The following TENM2 variants were observed in gnomAD, a reference collection of about 807,000 sequenced individuals.
TENM2 encodes teneurin transmembrane protein 2.
Under a neutral mutation model 245.2 loss-of-function variants are expected in TENM2, and 52 were observed. That is an observed-to-expected ratio of 0.21 (90% confidence interval 0.17 to 0.27). TENM2 has a LOEUF of 0.27. Ranked by LOEUF, TENM2 falls within the 10% of genes least tolerant of loss-of-function variation. TENM2 has a pLI of 1.00. For synonymous variants in TENM2, 1,363 were observed against 1,438.9 expected (o/e 0.95, Z 1.19); for missense variants, 3,046 against 3,666.8 (o/e 0.83, Z 4.37).
intron 2 of TENM2, among the ~76,000 whole-genome samples, chr5:167,408,073 C>T (rs59730067): frequency 0.44 from 66,984 of 151,962 alleles, 15,290 homozygotes; most frequent in Admixed American, 0.49. Flanking sequence ...CCTTATTCCA[C>T]TGTGGCCCAT....
At chr5:168,146,628 C>T (rs1197254998) in intron 12 of TENM2, among the ~76,000 whole-genome samples, 1 of 152,180 alleles carries the variant, frequency 6.6e-6, no homozygotes, top group Non-Finnish European at 1.5e-5. Context: ...TTATTGAGTA[C>T]TAATGACAGA....
intron 2 of TENM2, among the ~76,000 whole-genome samples, chr5:167,567,262 A>G (rs1019947021): frequency 2.6e-5 from 4 of 152,166 alleles, no homozygotes; most frequent in African/African-American, 4.8e-5. Context: ...TGGAAAAAAT[A>G]TATAGGCAAT....
intron 2 of TENM2, among the ~76,000 whole-genome samples, chr5:167,457,832 A>G (rs1290787367): frequency 6.6e-6 from 1 of 152,226 alleles, no homozygotes; most frequent in African/African-American, 2.4e-5. Context: ...CAGAGACTTT[A>G]ATCTGAGTTA....
At chr5:167,834,934 G>T (rs1004794806) in intron 2 of TENM2, among the ~76,000 whole-genome samples, 2 of 152,198 alleles carry the variant, frequency 1.3e-5, no homozygotes, top group Non-Finnish European at 2.9e-5. Context: ...ACAGGCATGA[G>T]CCACTGCGCC....
intron 2 of TENM2, among the ~76,000 whole-genome samples, chr5:167,842,152 T>G (rs12515610): frequency 0.19 from 28,507 of 151,992 alleles, 3,095 homozygotes; most frequent in East Asian, 0.38. Flanking sequence ...CTGGCGTCAT[T>G]GCCATCTGTA....
intron 2 of TENM2, among the ~76,000 whole-genome samples, chr5:167,646,699 A>T (rs1034722124): frequency 6.6e-6 from 1 of 152,134 alleles, no homozygotes; most frequent in Non-Finnish European, 1.5e-5. Flanking sequence ...GGAGAATTCC[A>T]TATGTCCCCC....
intron 1 of TENM2, among the ~76,000 whole-genome samples, chr5:167,316,522 C>T (rs1025205433): frequency 6.6e-6 from 1 of 152,140 alleles, no homozygotes; most frequent in Non-Finnish European, 1.5e-5. Flanking sequence ...TCTAGAAGCT[C>T]ACTGTATATT....
At chr5:167,295,697 A>C (rs1754909044) in intron 1 of TENM2, among the ~76,000 whole-genome samples, 1 of 152,288 alleles carries the variant, frequency 6.6e-6, no homozygotes, top group African/African-American at 2.4e-5. Context: ...GGACATATGA[A>C]GAGGAAGGGG....
the TENM2 span, among the ~76,000 whole-genome samples, chr5:167,029,797 T>A: frequency 3.9e-5 from 6 of 152,106 alleles, no homozygotes; most frequent in African/African-American, 1.4e-4. Flanking sequence ...TGTTACTTTA[T>A]TATTTTCACA....
intron 1 of TENM2, among the ~76,000 whole-genome samples, chr5:167,357,368 C>T (rs1330419387): frequency 5.3e-5 from 8 of 151,394 alleles, no homozygotes; most frequent in Non-Finnish European, 1.0e-4. Flanking sequence ...CTGCAACCTC[C>T]GCCTCCCAGG....
intron 1 of TENM2, among the ~76,000 whole-genome samples, chr5:167,297,924 G>A (rs948869215): frequency 2.0e-5 from 3 of 152,124 alleles, no homozygotes; most frequent in African/African-American, 7.2e-5. Context: ...GCAGGAACAG[G>A]CCATTTTCAT....
At chr5:167,974,001 A>AAAGGAGGGAGGG (rs1554163701) in intron 4 of TENM2, among the ~76,000 whole-genome samples, 1 of 95,524 alleles carries the variant, frequency 1.0e-5, no homozygotes, top group Admixed American at 1.1e-4. Flanking sequence ...GGAAGGGAGA[A>AAAGGAGGGAGGG]AGGGAGGGAG....
rs1759380086 is a variant in TENM2, at chr5:168,176,572, C to T, written c.2570-13765C>T. On this transcript the variant is annotated intron_variant, in intron 13 of 28. Transcript: ENST00000518659. ...TAAAGCAGAAAATCCCCTCCTTCAT[C>T]ACTGTCCAGCCCTTTACCTTGCTTT... 2.6e-5 allele frequency among the ~76,000 whole-genome samples: 4 copies of T among 152,298 alleles called. No individual in the cohort carries two copies. The South Asian group carries it at 8.3e-4, about 32-fold the overall frequency.
At chr5:167,346,317 CA>C (rs1388261432) in intron 1 of TENM2, among the ~76,000 whole-genome samples, 9 of 152,168 alleles carry the variant, frequency 5.9e-5, no homozygotes, top group African/African-American at 9.7e-5. Context: ...AATTTTTTAT[CA>C]GCATGAGATA....
the TENM2 span, among the ~76,000 whole-genome samples, chr5:167,178,641 C>A: frequency 6.6e-6 from 1 of 151,676 alleles, no homozygotes; most frequent in East Asian, 1.9e-4. Flanking sequence ...CGAGATCTGG[C>A]GATATGACTT....
intron 2 of TENM2, among the ~76,000 whole-genome samples, chr5:167,837,026 AT>A (rs911182646): frequency 2.0e-5 from 3 of 151,974 alleles, no homozygotes; most frequent in Non-Finnish European, 4.4e-5. Context: ...TGCAAAGAAA[AT>A]TTCCTATAAT....
intron 3 of TENM2, among the ~76,000 whole-genome samples, chr5:167,889,969 G>T (rs1489953835): frequency 1.3e-5 from 2 of 151,802 alleles, no homozygotes; most frequent in African/African-American, 4.8e-5. Flanking sequence ...TGCTGAAAGG[G>T]TTCAGAAGAT....
chr5:167,192,857 G>A, the TENM2 span, among the ~76,000 whole-genome samples: 10 of 152,026 alleles, frequency 6.6e-5, no homozygotes, highest in East Asian at 3.9e-4. Flanking sequence ...GATGCTTTTC[G>A]TGTCAGTCTG....
intron 25 of TENM2, among the ~76,000 whole-genome samples, chr5:168,238,742 G>A (rs1219656834): frequency 6.6e-6 from 1 of 152,102 alleles, no homozygotes; most frequent in African/African-American, 2.4e-5. Context: ...AGATCAAAAC[G>A]TTCTGGGGGG....
Sources: allele counts gnomAD v4.1 joint callset (sites outside exome capture counted in the v4.1 genomes callset), GRCh38; gene constraint gnomAD v4.1.1; transcripts MANE v1.5; gene names NCBI Gene and HGNC (gene_info 2026-07-23, HGNC 2026-07-21).